The following PHACTR4 variants were observed in gnomAD, a reference collection of about 807,000 sequenced individuals.
The protein encoded by PHACTR4 is phosphatase and actin regulator 4, also known as protein phosphatase 1, regulatory subunit 124.
PHACTR4 carries 51 observed loss-of-function variants against 72.7 expected under a neutral mutation model. The ratio of observed to expected loss-of-function variants is 0.70; its 90% CI spans 0.56 to 0.89. The LOEUF is 0.89. Ranked by LOEUF, PHACTR4 falls within the 40% of genes least tolerant of loss-of-function variation. The probability of loss-of-function intolerance (pLI) is 0.00; values close to 1 mark genes in which losing one functional copy is unlikely to be tolerated. For synonymous variants in PHACTR4, 255 were observed against 302.5 expected (o/e 0.84, Z 1.63); for missense variants, 731 against 861.8 (o/e 0.85, Z 1.90).
At chr1:28,477,532 T>C (rs561256086) in intron 8 of PHACTR4, among the ~76,000 whole-genome samples, 1 of 152,152 alleles carries the variant, frequency 6.6e-6, no homozygotes, top group African/African-American at 2.4e-5. Flanking sequence ...CATGAGATAT[T>C]TTGATATAAG....
Position 28,382,015 on chromosome 1 carries a change from G to A in PHACTR4, c.-39+12190G>A, listed in dbSNP as rs145740504. Among the ~76,000 whole-genome samples, 755 of 152,244 alleles carry A rather than the reference G, an allele frequency of 5.0e-3. 5 individuals carry two copies. Among genetic ancestry groups the A allele is most frequent in the African/African-American group, 0.017 (707 of 41,564 alleles). On this transcript the variant is annotated intron_variant, in intron 1 of 13. Transcript: ENST00000373839. ...ACTCCTGGCCTCAAGTGATCCACCT[G>A]CCTTGGCCTCCCAAAGTGTTGGGAT...
intron 2 of PHACTR4, among the ~76,000 whole-genome samples, chr1:28,425,737 A>G (rs1655797049): frequency 1.3e-5 from 2 of 152,220 alleles, no homozygotes; most frequent in East Asian, 1.9e-4. Flanking sequence ...TCACTCACTT[A>G]AAGTGAATAT....
intron 2 of PHACTR4, among the ~76,000 whole-genome samples, chr1:28,428,759 T>C (rs1266734441): frequency 6.6e-6 from 1 of 152,124 alleles, no homozygotes; most frequent in Non-Finnish European, 1.5e-5. Context: ...ATATAGAGAA[T>C]CTAAATGGAA....
intron 1 of PHACTR4, among the ~76,000 whole-genome samples, chr1:28,394,155 G>A (rs1193613482): frequency 2.0e-5 from 3 of 151,884 alleles, no homozygotes; most frequent in African/African-American, 7.2e-5. Context: ...TCAAGATGTA[G>A]AAGTGGAAGA....
intron 2 of PHACTR4, among the ~76,000 whole-genome samples, chr1:28,458,196 C>T (rs1450745265): frequency 6.7e-6 from 1 of 149,990 alleles, no homozygotes; most frequent in Non-Finnish European, 1.5e-5. Context: ...GGCTGGAGTG[C>T]AGTATCTTAA....
intron 4 of PHACTR4, among the ~76,000 whole-genome samples, chr1:28,463,555 G>GA (rs1242740054): frequency 6.6e-6 from 1 of 152,270 alleles, no homozygotes; most frequent in East Asian, 1.9e-4. Context: ...CAGTATTCTA[G>GA]AAAATCTTGT....
chr1:28,380,126 G>A (rs573817538), intron 1 of PHACTR4, among the ~76,000 whole-genome samples: 12 of 134,256 alleles, frequency 8.9e-5, no homozygotes, highest in Non-Finnish European at 1.7e-4. Context: ...GCGCGATCTC[G>A]GCTCACTGCA....
intron 2 of PHACTR4, among the ~76,000 whole-genome samples, chr1:28,413,068 C>T (rs1654886927): frequency 6.6e-6 from 1 of 152,140 alleles, no homozygotes; most frequent in South Asian, 2.1e-4. Flanking sequence ...CCCAACACCC[C>T]CGTCTGTAGA....
chr1:28,372,895 G>A (rs1651351857), intron 1 of PHACTR4, among the ~76,000 whole-genome samples: 1 of 151,030 alleles, frequency 6.6e-6, no homozygotes, highest in Admixed American at 6.6e-5. Flanking sequence ...AGAAACAGCA[G>A]TTACTATTGA....
chr1:28,470,881 C>T (rs1659515385), intron 6 of PHACTR4, among the ~76,000 whole-genome samples: 2 of 151,196 alleles, frequency 1.3e-5, no homozygotes, highest in Admixed American at 1.3e-4. Flanking sequence ...AAAAATTAGT[C>T]AGGCATGGGG....
intron 8 of PHACTR4, 44 bp downstream of exon 8, chr1:28,476,335 A>T (rs1659917934): frequency 6.6e-7 from 1 of 1,522,656 alleles, no homozygotes; most frequent in Admixed American, 2.3e-5. Context: ...TCTTTTCCAG[A>T]TAAAACTATT....
In PHACTR4 at chr1:28,497,743, A is replaced by G. The variant is rs1661443979; in HGVS notation, c.*1194A>G. 1 of 150,876 alleles carries G rather than the reference A, an allele frequency of 6.6e-6. No homozygotes were observed. The highest frequency in any genetic ancestry group is 6.6e-5 in the Admixed American group (1 of 15,092). 9.3% of individuals were successfully genotyped at this position (150,876 alleles called of 1,614,324 possible). A position where few individuals can be genotyped will look rare whatever the true frequency, so the allele number is the denominator to read the frequency against. On this transcript the variant is annotated 3_prime_UTR_variant, in exon 14 of 14. Transcript: ENST00000373839. ...TTCAGTGGCTCACGCCTGTAATCCC[A>G]ACACTTTGGGAGGCTGAGGCGGGTG... is the stretch of plus-strand genomic sequence containing the variant.
At chr1:28,382,495 A>G (rs1652259120) in intron 1 of PHACTR4, among the ~76,000 whole-genome samples, 1 of 151,158 alleles carries the variant, frequency 6.6e-6, no homozygotes, top group African/African-American at 2.4e-5. Flanking sequence ...AGTAGAGACA[A>G]GGTTTCACCG....
chr1:28,382,860 C>T (rs924159805), intron 1 of PHACTR4, among the ~76,000 whole-genome samples: 1 of 152,114 alleles, frequency 6.6e-6, no homozygotes, highest in Non-Finnish European at 1.5e-5. Flanking sequence ...GTGGCACGAT[C>T]TTGGCTCACT....
chr1:28,447,266 C>T (rs1006110572), intron 2 of PHACTR4, among the ~76,000 whole-genome samples: 4 of 152,106 alleles, frequency 2.6e-5, no homozygotes, highest in Non-Finnish European at 5.9e-5. Flanking sequence ...CCTGCCTTGG[C>T]CTCCCAAAGT....
At chr1:28,461,023 C>CA in intron 4 of PHACTR4, among the ~76,000 whole-genome samples, 1 of 152,132 alleles carries the variant, frequency 6.6e-6, no homozygotes, top group Non-Finnish European at 1.5e-5. Context: ...TTAATAATGT[C>CA]AAGACTTTCT....
intron 2 of PHACTR4, among the ~76,000 whole-genome samples, chr1:28,449,049 A>G (rs576383971): frequency 6.6e-6 from 1 of 152,236 alleles, no homozygotes; most frequent in Non-Finnish European, 1.5e-5. Context: ...AGGCTGAGGC[A>G]GGAAGATTGC....
At chr1:28,453,827 A>G (rs1407523635) in intron 2 of PHACTR4, 12 of 887,884 alleles carry the variant, frequency 1.4e-5, no homozygotes, top group Non-Finnish European at 2.0e-5. Flanking sequence ...GACAGAGCAC[A>G]AAAGGCTTTT....
intron 1 of PHACTR4, among the ~76,000 whole-genome samples, chr1:28,396,750 C>T (rs1312986159): frequency 2.0e-5 from 3 of 150,762 alleles, no homozygotes; most frequent in African/African-American, 7.3e-5. Flanking sequence ...CCTCTGCCTC[C>T]TGGGTTCAAG....
Sources: allele counts gnomAD v4.1 joint callset (sites outside exome capture counted in the v4.1 genomes callset), GRCh38; gene constraint gnomAD v4.1.1; transcripts MANE v1.5; gene names NCBI Gene and HGNC (gene_info 2026-07-23, HGNC 2026-07-21).